The following PDE7B variants were observed in gnomAD, a reference collection of about 807,000 sequenced individuals.
PDE7B encodes phosphodiesterase 7B.
Under a neutral mutation model 56.2 loss-of-function variants are expected in PDE7B, and 29 were observed. The ratio of observed to expected loss-of-function variants is 0.52; its 90% CI spans 0.38 to 0.70. The LOEUF (loss-of-function observed/expected upper bound fraction) is 0.70. Among genes scored for constraint, PDE7B ranks in the 30% least tolerant of loss-of-function variants. The probability of loss-of-function intolerance (pLI) is 0.00; values close to 1 mark genes in which losing one functional copy is unlikely to be tolerated. For missense variants in PDE7B, 490 were observed against 565.0 expected (o/e 0.87, Z 1.35); for synonymous variants, 197 against 196.9 (o/e 1.00, Z 0.00).
intron 1 of PDE7B, among the ~76,000 whole-genome samples, chr6:135,936,576 A>G (rs1200640165): frequency 6.6e-6 from 1 of 152,172 alleles, no homozygotes; most frequent in Non-Finnish European, 1.5e-5. Context: ...TGCACATTGT[A>G]TCAGGCTCAG....
At chr6:136,001,575 C>T (rs1182584878) in intron 2 of PDE7B, among the ~76,000 whole-genome samples, 14 of 151,972 alleles carry the variant, frequency 9.2e-5, no homozygotes, top group East Asian at 7.7e-4. Context: ...GGAGCCGATG[C>T]GATCAATTGG....
chr6:136,019,041 T>C (rs1224422380), intron 2 of PDE7B, among the ~76,000 whole-genome samples: 1 of 152,062 alleles, frequency 6.6e-6, no homozygotes, highest in Non-Finnish European at 1.5e-5. Context: ...AGGCAGTCTC[T>C]GCTTGTACTG....
chr6:136,086,100 A>G (rs537160659), intron 2 of PDE7B, among the ~76,000 whole-genome samples: 1 of 152,284 alleles, frequency 6.6e-6, no homozygotes, highest in Non-Finnish European at 1.5e-5. Flanking sequence ...AGTACTTTCT[A>G]ATAGTTCCCA....
chr6:136,189,657 G>A (rs1455482339), intron 12 of PDE7B, among the ~76,000 whole-genome samples: 3 of 152,170 alleles, frequency 2.0e-5, no homozygotes. Context: ...TAAAGAGAAA[G>A]AGGTTTTCCT....
At position 136,175,820 on chromosome 6, in the gene PDE7B, G is replaced by GACCAAT. The variant is rs577608124; in HGVS notation, c.803+1933_803+1934insCCAATA. 1.8e-4 allele frequency among the ~76,000 whole-genome samples: 27 copies of GACCAAT among 152,184 alleles called. No individual in the cohort carries two copies. The South Asian group carries it at 5.6e-3, about 32-fold the overall frequency. ...TAAAAATTATTGGTCAGAAAGGTCT[G>GACCAAT]AACTTTTAAGTTTCTTGTATATTAT... On this transcript the variant is annotated intron_variant, in intron 9 of 12. Coordinates refer to ENST00000308191, the MANE Select transcript of PDE7B (RefSeq NM_018945.4).
chr6:136,156,359 C>T (rs1280869940), intron 8 of PDE7B, among the ~76,000 whole-genome samples: 1 of 152,086 alleles, frequency 6.6e-6, no homozygotes, highest in Non-Finnish European at 1.5e-5. Flanking sequence ...CTGACTAATT[C>T]TGTTTTTCAT....
chr6:136,175,179 G>A (rs1010465004), intron 9 of PDE7B, among the ~76,000 whole-genome samples: 21 of 152,128 alleles, frequency 1.4e-4, no homozygotes, highest in Non-Finnish European at 5.9e-5. Context: ...ATATTTTTAT[G>A]TGTCTTTGTG....
Position 136,191,767 on chromosome 6 carries a change from G to C in PDE7B, c.1280G>C (p.Ser427Thr). Reference protein sequence around the residue: ...LPRQHRSRGSSGSGPDHDHAG... With the variant: ...LPRQHRSRGSTGSGPDHDHAG... Reference sequence around the variant, plus strand: ...AGGCAGCACAGAAGCAGGGGCAGCAGTGGCAGCGGGCCTGACCACGACCAC... The same window carrying C: ...AGGCAGCACAGAAGCAGGGGCAGCACTGGCAGCGGGCCTGACCACGACCAC... Residue 427 changes from serine to threonine, a missense_variant, in exon 13 of 13, where the codon AGT becomes ACT. Physicochemically the swap from Ser to Thr is moderately conservative, Grantham distance 58. Transcript: ENST00000308191. 1 of 1,589,426 alleles carries C rather than the reference G, an allele frequency of 6.3e-7. No homozygotes were observed. Among genetic ancestry groups the C allele is most frequent in the Non-Finnish European group, 8.6e-7 (1 of 1,168,298 alleles).
chr6:135,872,047 G>A (rs1265175903), intron 1 of PDE7B, among the ~76,000 whole-genome samples: 1 of 152,142 alleles, frequency 6.6e-6, no homozygotes, highest in Non-Finnish European at 1.5e-5. Flanking sequence ...ATTGTGATTA[G>A]GTCACCTAGT....
intron 2 of PDE7B, among the ~76,000 whole-genome samples, chr6:136,104,280 G>A (rs1008562319): frequency 3.9e-5 from 6 of 152,148 alleles, no homozygotes; most frequent in South Asian, 4.1e-4. Flanking sequence ...GGCTGTCAAC[G>A]CTTCCTACCA....
chr6:136,097,877 C>T (rs1777495244), intron 2 of PDE7B: 1 of 152,042 alleles, frequency 6.6e-6, no homozygotes, highest in Non-Finnish European at 1.5e-5. Flanking sequence ...CTGAATATGC[C>T]CCCACAGCCT....
chr6:136,069,698 GA>G (rs565685299), intron 2 of PDE7B, among the ~76,000 whole-genome samples: 127 of 152,176 alleles, frequency 8.3e-4, no homozygotes, highest in Non-Finnish European at 1.6e-3. Context: ...TATAAAGTGT[GA>G]AAAATTATCT....
At position 136,192,063 on chromosome 6, in the gene PDE7B, C is replaced by G; in HGVS notation, c.*223C>G. 1 of 563,286 alleles carries G rather than the reference C, an allele frequency of 1.8e-6. No individual in the cohort carries two copies. The highest frequency in any genetic ancestry group is 2.0e-5 in the South Asian group (1 of 49,514). The allele number at this position is 563,286 out of a possible 1,614,324, so 34.9% of individuals were successfully genotyped here. A position where few individuals can be genotyped will look rare whatever the true frequency, so the allele number is the denominator to read the frequency against. ...CGCTGCCGAAATGAGCAACTCCATT[C>G]AGTAACGTGGGAGCTGATCCCACGG... On this transcript the variant is annotated 3_prime_UTR_variant, in exon 13 of 13. Transcript: ENST00000308191.
At chr6:135,982,138 C>T (rs1775308690) in intron 2 of PDE7B, among the ~76,000 whole-genome samples, 1 of 152,168 alleles carries the variant, frequency 6.6e-6, no homozygotes, top group African/African-American at 2.4e-5. Context: ...ATGTCATACT[C>T]TTGCCACCCA....
intron 2 of PDE7B, among the ~76,000 whole-genome samples, chr6:136,076,021 AAATG>A (rs747257292): frequency 1.9e-4 from 29 of 152,210 alleles, no homozygotes; most frequent in Admixed American, 7.2e-4. Flanking sequence ...TAACAGTAAA[AAATG>A]AATGAACTCA....
chr6:136,066,934 CA>C (rs1776947775), intron 2 of PDE7B, among the ~76,000 whole-genome samples: 1 of 151,462 alleles, frequency 6.6e-6, no homozygotes, highest in African/African-American at 2.4e-5. Context: ...TAGCTCACTG[CA>C]GCCTAGAACT....
At chr6:136,114,384 TTCTTTCTTTGACATATAAAACAC>T in intron 3 of PDE7B, among the ~76,000 whole-genome samples, 1 of 152,094 alleles carries the variant, frequency 6.6e-6, no homozygotes, top group Non-Finnish European at 1.5e-5. Flanking sequence ...CCTGCAGCCA[TTCTTTCTTTGACATATAAAACAC>T]ACTCTCTTTG....
chr6:136,087,499 A>C (rs911359498), intron 2 of PDE7B, among the ~76,000 whole-genome samples: 1 of 152,226 alleles, frequency 6.6e-6, no homozygotes, highest in African/African-American at 2.4e-5. Context: ...ATTTTCCCCC[A>C]AAATTTATTC....
intron 3 of PDE7B, among the ~76,000 whole-genome samples, chr6:136,140,330 ATC>A (rs1296534550): frequency 6.6e-6 from 1 of 152,080 alleles, no homozygotes; most frequent in Non-Finnish European, 1.5e-5. Context: ...ATTGGTCTGT[ATC>A]TCTGTTTTGG....
Sources: gnomAD v4.1 joint callset for allele counts (sites outside exome capture counted in the v4.1 genomes callset) on GRCh38, gnomAD v4.1.1 for gene constraint, MANE v1.5 for transcripts, NCBI Gene and HGNC (gene_info 2026-07-23, HGNC 2026-07-21) for gene names.